Variants in PPFIA1 observed in about 807,000 individuals in gnomAD.
The protein encoded by PPFIA1 is PPFI scaffold protein A1, also known as liprin-alpha-1.
A neutral mutation model predicts 149.9 loss-of-function variants in PPFIA1; 25 were observed. The observed-to-expected ratio is 0.17, with a 90% CI of 0.12 to 0.23. The LOEUF (loss-of-function observed/expected upper bound fraction) is 0.23. PPFIA1 is among the 10% of genes least tolerant of loss of function. PPFIA1 has a pLI of 1.00. For synonymous variants in PPFIA1, 549 were observed against 552.8 expected (o/e 0.99, Z 0.10); for missense variants, 1,362 against 1,506.5 (o/e 0.90, Z 1.59).
At position 70,383,924 on chromosome 11, in the gene PPFIA1, G is replaced by A. The variant is rs57810426; in HGVS notation, c.*934G>A. ...CCACGCTCTCATCCTGCAAGTCGGC[G>A]CACACAGTGGATGAAGGCAGGAGAC... is the stretch of plus-strand genomic sequence containing the variant. On this transcript the variant is annotated 3_prime_UTR_variant, in exon 28 of 28. Transcript: ENST00000253925. 27,159 of 152,354 alleles carry A rather than the reference G, an allele frequency of 0.18. 3,184 individuals are homozygous for A. Among genetic ancestry groups the A allele is most frequent in the African/African-American group, 0.32 (13,291 of 41,538 alleles). 9.4% of individuals were successfully genotyped at this position (152,354 alleles called of 1,614,324 possible).
At position 70,349,480 on chromosome 11, in the gene PPFIA1, C is replaced by A. The variant is rs534341126; in HGVS notation, c.2163+1060C>A. 9.0e-4 allele frequency among the ~76,000 whole-genome samples: 137 copies of A among 152,148 alleles called. 2 individuals carry two copies. Among genetic ancestry groups the A allele is most frequent in the Middle Eastern group, 6.8e-3 (2 of 294 alleles). Reference sequence around the variant, plus strand: ...AACCCCATCTTTATCTAAAAAAAAACCAAACTATCTTGTATATTTAGAATT... The same window carrying A: ...AACCCCATCTTTATCTAAAAAAAAAACAAACTATCTTGTATATTTAGAATT... On this transcript the variant is annotated intron_variant, in intron 16 of 27. Coordinates refer to ENST00000253925, the MANE Select transcript of PPFIA1 (RefSeq NM_003626.5).
intron 2 of PPFIA1, among the ~76,000 whole-genome samples, chr11:70,297,733 G>GC (rs1193058221): frequency 6.6e-6 from 1 of 152,180 alleles, no homozygotes; most frequent in Non-Finnish European, 1.5e-5. Flanking sequence ...GGTTAGCCAG[G>GC]CCCTGCTAGC....
intron 2 of PPFIA1, among the ~76,000 whole-genome samples, chr11:70,295,617 T>G (rs1164436659): frequency 7.7e-6 from 1 of 129,362 alleles, no homozygotes; most frequent in Non-Finnish European, 1.6e-5. Flanking sequence ...GGCTCCTCAC[T>G]TCCCAGTAGG....
chr11:70,379,471 A>AT lies in PPFIA1; in HGVS notation c.3550+1285dup, dbSNP rs11379174. Among the ~76,000 whole-genome samples the AT allele has an allele frequency of 2.1e-4, 31 of 150,688 alleles. No homozygotes were observed. In the East Asian group the frequency reaches 2.3e-3, roughly 11 times the overall value. Reference sequence around the variant, plus strand: ...AGACTCTGTCTCAAAAAAAAAAAAAATTTTTTTTTAAGTGCTAATTAGGGG... The same window carrying AT: ...AGACTCTGTCTCAAAAAAAAAAAAAATTTTTTTTTTAAGTGCTAATTAGGGG... On this transcript the variant is annotated intron_variant, in intron 26 of 27. Transcript: ENST00000253925.
At chr11:70,343,545 CA>C (rs1188513386) in intron 14 of PPFIA1, 123 bp from the exon 15 acceptor site, 71 of 810,144 alleles carry the variant, frequency 8.8e-5, no homozygotes, top group Non-Finnish European at 1.4e-4. Flanking sequence ...ACCTTATAAG[CA>C]TGGCCCATCT....
At chr11:70,297,957 G>C (rs2052195422) in intron 2 of PPFIA1, among the ~76,000 whole-genome samples, 1 of 152,202 alleles carries the variant, frequency 6.6e-6, no homozygotes, top group South Asian at 2.1e-4. Context: ...ACCCTTGACA[G>C]CTGTGCCTCG....
chr11:70,294,755 C>G (rs2051786245), intron 2 of PPFIA1, among the ~76,000 whole-genome samples: 1 of 151,670 alleles, frequency 6.6e-6, no homozygotes, highest in Admixed American at 6.6e-5. Flanking sequence ...GGTGATGACT[C>G]TTAACGAGCA....
chr11:70,329,444 A>G (rs1184639581), intron 7 of PPFIA1, among the ~76,000 whole-genome samples: 1 of 151,964 alleles, frequency 6.6e-6, no homozygotes, highest in Non-Finnish European at 1.5e-5. Context: ...TGAGGACATT[A>G]TTATTTATTT....
At position 70,343,791 on chromosome 11, in the gene PPFIA1, C is replaced by A. The variant is rs776136532; in HGVS notation, c.1830C>A (p.Leu610=). The change falls in exon 15 of 28, where the codon CTC becomes CTA. Residue 610 remains leucine, a synonymous_variant. Coordinates refer to ENST00000253925, the MANE Select transcript of PPFIA1 (RefSeq NM_003626.5). The stretch of plus-strand genomic sequence containing the variant: ...ATGGTGAAGATGACAGGGACACTCT[C>A]CTCAGCTCAGTTGACCTGCTATCGC... ...VSDGEDDRDT[L]LSSVDLLSPS... The A allele has an allele frequency of 7.4e-6, 12 of 1,614,182 alleles. No homozygotes were observed. In the South Asian group the frequency reaches 1.3e-4, roughly 18 times the overall value.
intron 2 of PPFIA1, among the ~76,000 whole-genome samples, chr11:70,315,616 A>G (rs1449136224): frequency 1.5e-5 from 2 of 136,788 alleles, no homozygotes; most frequent in Non-Finnish European, 1.6e-5. Context: ...GTGTCCATTT[A>G]TTAGACGTCT....
At chr11:70,291,347 T>C (rs1479566808) in intron 2 of PPFIA1, among the ~76,000 whole-genome samples, 2 of 152,238 alleles carry the variant, frequency 1.3e-5, no homozygotes, top group Non-Finnish European at 2.9e-5. Context: ...AGCCTGAGTA[T>C]TAATTTGAAT....
In PPFIA1 at chr11:70,287,316, T is replaced by C. The variant is rs2510362; in HGVS notation, c.264+14880T>C. Among the ~76,000 whole-genome samples, 269 of 152,298 alleles carry C rather than the reference T, an allele frequency of 1.8e-3. 2 individuals carry two copies. Among genetic ancestry groups the C allele is most frequent in the African/African-American group, 6.2e-3 (259 of 41,556 alleles). On this transcript the variant is annotated intron_variant, in intron 2 of 27. Transcript: ENST00000253925. ...TCCTCACTTGCAGACTCCTTTTTTT[T>C]GTACAACTTTGTAAATAAGCCGTTG...
chr11:70,289,301 G>A (rs568132247), intron 2 of PPFIA1, among the ~76,000 whole-genome samples: 1 of 151,970 alleles, frequency 6.6e-6, no homozygotes, highest in East Asian at 1.9e-4. Flanking sequence ...CCTTTCATTG[G>A]ACAGAGCTAG....
At chr11:70,338,479 A>T in intron 13 of PPFIA1, 26 bp downstream of exon 13, 15 of 1,574,202 alleles carry the variant, frequency 9.5e-6, no homozygotes, top group Non-Finnish European at 1.2e-5. Context: ...GTGAGCAGCC[A>T]TATTGTCAGC....
At chr11:70,274,241 C>G (rs1306766843) in intron 2 of PPFIA1, among the ~76,000 whole-genome samples, 1 of 152,128 alleles carries the variant, frequency 6.6e-6, no homozygotes, top group Non-Finnish European at 1.5e-5. Context: ...GTGCTCCTGG[C>G]ACATTGTGGA....
At chr11:70,305,435 T>C (rs1202438793) in intron 2 of PPFIA1, among the ~76,000 whole-genome samples, 3 of 152,292 alleles carry the variant, frequency 2.0e-5, no homozygotes, top group Non-Finnish European at 2.9e-5. Context: ...TGCAATGGCA[T>C]GATCACGGCT....
intron 14 of PPFIA1, among the ~76,000 whole-genome samples, chr11:70,341,598 A>G (rs1352092240): frequency 6.6e-6 from 1 of 152,200 alleles, no homozygotes; most frequent in Non-Finnish European, 1.5e-5. Flanking sequence ...CTGGAACCCA[A>G]GAGACATCTA....
At chr11:70,331,578 A>C (rs2054663937) in intron 8 of PPFIA1, among the ~76,000 whole-genome samples, 1 of 152,042 alleles carries the variant, frequency 6.6e-6, no homozygotes, top group Non-Finnish European at 1.5e-5. Context: ...TTAGGAGTTC[A>C]AGACCAGCCT....
chr11:70,377,826 G>A (rs764087121), intron 25 of PPFIA1, among the ~76,000 whole-genome samples: 1 of 152,170 alleles, frequency 6.6e-6, no homozygotes, highest in South Asian at 2.1e-4. Flanking sequence ...CGCCAGCTGA[G>A]GCCCAGCCGG....
Sources: allele counts gnomAD v4.1 joint callset (sites outside exome capture counted in the v4.1 genomes callset), GRCh38; gene constraint gnomAD v4.1.1; transcripts MANE v1.5; gene names NCBI Gene and HGNC (gene_info 2026-07-23, HGNC 2026-07-21).